ZNF157: variants seen among roughly 807,000 people sequenced by gnomAD.
ZNF157 encodes zinc finger protein 22.
ZNF157 carries 8 observed loss-of-function variants against 9.4 expected under a neutral mutation model. That is an observed-to-expected ratio of 0.85 (90% CI 0.50 to 1.53). The LOEUF is 1.53. Ranked by LOEUF, ZNF157 falls within the 40% of genes most tolerant of loss-of-function variation. The pLI is 0.00. For missense variants in ZNF157, 316 were observed against 385.2 expected, an observed-to-expected ratio of 0.82 and a Z score of 1.50; for synonymous variants, 120 against 130.8, an observed-to-expected ratio of 0.92 and a Z score of 0.56.
chrX:47,410,740 T>G lies in ZNF157; in HGVS notation c.260T>G (p.Ile87Arg). ...TTGGAGCGAGGAGAAGAGCTGTGGA[T>G]ATTAGAGGAGGAATCCTCAGGCCAT... ...FKLERGEELWILEEESSGHGY... is the reference protein window; with the variant it reads ...FKLERGEELWRLEEESSGHGY... The change falls in exon 3 of 4, where the codon ATA (isoleucine) becomes AGA (arginine). Residue 87 changes from isoleucine to arginine, a missense_variant. Physicochemically the swap from Ile to Arg is moderately conservative, Grantham distance 97. Around this residue, in one of 3 missense-constraint regions of ZNF157, gnomAD observed 146 missense variants for 183.8 expected, o/e 0.79. Transcript: ENST00000377073. The G allele has an allele frequency of 8.3e-7, 1 of 1,207,301 alleles. No homozygotes were observed. Among genetic ancestry groups the G allele is most frequent in the Non-Finnish European group, 1.1e-6 (1 of 893,532 alleles).
chrX:47,408,049 G>A (rs2055952476), intron 1 of ZNF157, among the ~76,000 whole-genome samples: 1 of 111,661 alleles, frequency 9.0e-6, no homozygotes, highest in Admixed American at 9.6e-5. Flanking sequence ...CGGCTTCTGG[G>A]GAGGCCTCAG....
chrX:47,400,144 G>A (rs761860510), intron 1 of ZNF157, among the ~76,000 whole-genome samples: 32 of 109,294 alleles, frequency 2.9e-4, no homozygotes, highest in African/African-American at 1.0e-3. Flanking sequence ...CTACAGGCAC[G>A]CACCACCACA....
At chrX:47,375,665 C>T (rs1405081649) in intron 1 of ZNF157, among the ~76,000 whole-genome samples, 2 of 107,298 alleles carry the variant, frequency 1.9e-5, no homozygotes, top group East Asian at 2.9e-4. Flanking sequence ...CCTCTATCAA[C>T]CACTCATTTT....
intron 1 of ZNF157, among the ~76,000 whole-genome samples, chrX:47,405,976 T>G (rs951548768): frequency 9.4e-6 from 1 of 105,875 alleles, no homozygotes; most frequent in Non-Finnish European, 2.0e-5. Context: ...ATACCCAATG[T>G]GTAGTCTTTT....
At chrX:47,378,067 G>A (rs1296386141) in intron 1 of ZNF157, among the ~76,000 whole-genome samples, 3 of 111,191 alleles carry the variant, frequency 2.7e-5, no homozygotes, top group Non-Finnish European at 5.6e-5. Flanking sequence ...CCAGCTGTAC[G>A]GGAGACTGGA....
intron 1 of ZNF157, among the ~76,000 whole-genome samples, chrX:47,409,489 C>G (rs1244020859): frequency 6.7e-5 from 6 of 89,386 alleles, no homozygotes; most frequent in South Asian, 1.2e-3. Context: ...CACCTGCCAC[C>G]ATGCCCGGCT....
At chrX:47,370,814 G>C (rs2055826557) in intron 1 of ZNF157, 74 bp downstream of exon 1, 3 of 932,664 alleles carry the variant, frequency 3.2e-6, no homozygotes, top group Non-Finnish European at 4.3e-6. Context: ...TTTATATTTT[G>C]AGATAATTGT....
chrX:47,381,944 T>C (rs1437305140), intron 1 of ZNF157, among the ~76,000 whole-genome samples: 1 of 111,979 alleles, frequency 8.9e-6, no homozygotes, highest in Non-Finnish European at 1.9e-5. Context: ...ACTCAGGAGA[T>C]ACTGAGAACA....
chrX:47,378,305 G>T (rs1175253768), intron 1 of ZNF157, among the ~76,000 whole-genome samples: 1 of 111,354 alleles, frequency 9.0e-6, no homozygotes, highest in Non-Finnish European at 1.9e-5. Flanking sequence ...GATCAATTAA[G>T]TGCAGAGTCT....
In ZNF157 at chrX:47,393,024, G is replaced by A. The variant is rs1048681604; in HGVS notation, c.73-17252G>A. 9.0e-5 allele frequency among the ~76,000 whole-genome samples: 10 copies of A among 110,605 alleles called. No homozygotes were observed. In the East Asian group the frequency reaches 1.4e-3, roughly 16 times the overall value. On this transcript the variant is annotated intron_variant, in intron 1 of 3. Coordinates refer to ENST00000377073, the MANE Select transcript of ZNF157 (RefSeq NM_003446.4). ...ACAAAAATTAGCCAGGCATGGTGGC[G>A]CACGCCTGTAATCCCAGCTTCTCAG...
chrX:47,412,632 G>C lies in ZNF157; in HGVS notation c.559G>C (p.Glu187Gln). The change falls in exon 4 of 4, where the codon GAG (glutamate) becomes CAG (glutamine). Residue 187 changes from glutamate to glutamine, a missense_variant. Glu to Gln is a conservative substitution (Grantham distance 29). Around this residue, in one of 3 missense-constraint regions of ZNF157, gnomAD observed 146 missense variants for 183.8 expected, o/e 0.79. Transcript: ENST00000377073. ...TGAACATCTGAGAATACACACAGGA[G>C]AGAGACCCTATGAATGCGGTGAATG... ...LVEHLRIHTG[E>Q]RPYECGECAK... is the part of the protein sequence containing the mutation. 8.2e-7 allele frequency: 1 copy of C among 1,212,198 alleles called. No homozygotes were observed. The highest frequency in any genetic ancestry group is 1.1e-6 in the Non-Finnish European group (1 of 895,652).
intron 1 of ZNF157, among the ~76,000 whole-genome samples, chrX:47,379,219 C>T (rs1468762954): frequency 1.8e-5 from 2 of 108,194 alleles, no homozygotes; most frequent in Non-Finnish European, 3.8e-5. Flanking sequence ...TCTTGAACGC[C>T]TGGGCTCAAG....
rs1402599343 is a variant in ZNF157, at chrX:47,370,663, G to T, written c.-6G>T. 8.3e-7 allele frequency: 1 copy of T among 1,202,664 alleles called. No homozygotes were observed. Among genetic ancestry groups the T allele is most frequent in the African/African-American group, 1.8e-5 (1 of 56,796 alleles). On this transcript the variant is annotated 5_prime_UTR_variant, in exon 1 of 4. Coordinates refer to ENST00000377073, the MANE Select transcript of ZNF157 (RefSeq NM_003446.4). ...CACGGAAGGTGGGCTGAGGCCCAGG[G>T]TGAACATGCCAGCTAATGGGACATC...
At chrX:47,385,846 G>A (rs1197100672) in intron 1 of ZNF157, among the ~76,000 whole-genome samples, 1 of 110,841 alleles carries the variant, frequency 9.0e-6, no homozygotes, top group Admixed American at 9.8e-5. Context: ...GGGATTACAG[G>A]TGTGAGCCAC....
intron 1 of ZNF157, among the ~76,000 whole-genome samples, chrX:47,393,744 T>A (rs77147253): frequency 9.8e-5 from 4 of 40,944 alleles, no homozygotes; most frequent in Non-Finnish European, 1.5e-4. Context: ...TCCCCCGCCC[T>A]TTTTTTTTTT....
At chrX:47,400,412 G>A (rs1348083904) in intron 1 of ZNF157, among the ~76,000 whole-genome samples, 2 of 111,235 alleles carry the variant, frequency 1.8e-5, no homozygotes, top group East Asian at 2.8e-4. Context: ...CTCCCAAGTC[G>A]GCTTCCCAAA....
At chrX:47,397,695 G>A (rs747501050) in intron 1 of ZNF157, among the ~76,000 whole-genome samples, 6 of 111,738 alleles carry the variant, frequency 5.4e-5, no homozygotes, top group Non-Finnish European at 7.5e-5. Context: ...GATTACAGGC[G>A]TGAGCCACCG....
In ZNF157 at chrX:47,396,493, C is replaced by T. The variant is rs971703578; in HGVS notation, c.73-13783C>T. Among the ~76,000 whole-genome samples, 19 of 110,264 alleles carry T rather than the reference C, an allele frequency of 1.7e-4. No individual in the cohort carries two copies. In the Admixed American group the frequency reaches 1.8e-3, roughly 10 times the overall value. ...GGCGGAGGTTGCAGTGAGCCGAGATCGCGCCATTGCACTCCAACCTGGGCA... is the reference window on the plus strand; with the variant it reads ...GGCGGAGGTTGCAGTGAGCCGAGATTGCGCCATTGCACTCCAACCTGGGCA... On this transcript the variant is annotated intron_variant, in intron 1 of 3. Transcript: ENST00000377073.
At chrX:47,388,432 C>G (rs1231958478) in intron 1 of ZNF157, among the ~76,000 whole-genome samples, 2 of 108,322 alleles carry the variant, frequency 1.8e-5, no homozygotes, top group Non-Finnish European at 3.8e-5. Flanking sequence ...CCACCTGAGT[C>G]TCCCGAATAG....
Sources: allele counts gnomAD v4.1 joint callset (sites outside exome capture counted in the v4.1 genomes callset), GRCh38; gene constraint gnomAD v4.1.1; regional missense constraint gnomAD v4.1.1; transcripts MANE v1.5; gene names NCBI Gene and HGNC (gene_info 2026-07-23, HGNC 2026-07-21).